Variants in RANBP1 observed in about 807,000 individuals in gnomAD.
The protein encoded by RANBP1 is RAN binding protein 1.
RANBP1 carries 16 observed loss-of-function variants against 31.4 expected under a neutral mutation model. That is an observed-to-expected ratio of 0.51 (90% CI 0.34 to 0.77). The LOEUF (loss-of-function observed/expected upper bound fraction) is 0.77. Among genes scored for constraint, RANBP1 ranks in the 30% least tolerant of loss-of-function variants. The probability of loss-of-function intolerance (pLI) is 0.01; values close to 1 mark genes in which losing one functional copy is unlikely to be tolerated. For missense variants in RANBP1, 265 were observed against 362.0 expected, an observed-to-expected ratio of 0.73 and a Z score of 2.17; for synonymous variants, 129 against 140.5, an observed-to-expected ratio of 0.92 and a Z score of 0.58.
chr22:20,126,082 C>G (rs867208135), intron 4 of RANBP1, among the ~76,000 whole-genome samples: 1 of 152,266 alleles, frequency 6.6e-6, no homozygotes, highest in Non-Finnish European at 1.5e-5. Flanking sequence ...GCCCATGCCC[C>G]TTGGTTGCCT....
At chr22:20,117,117 T>G in intron 1 of RANBP1, 1 of 674,160 alleles carries the variant, frequency 1.5e-6, no homozygotes, top group Non-Finnish European at 2.5e-6. Flanking sequence ...CAGGTCCGGG[T>G]CTCAGGCTTG....
At chr22:20,125,126 G>T in intron 3 of RANBP1, 182 bp from the exon 4 acceptor site, 2 of 643,898 alleles carry the variant, frequency 3.1e-6, no homozygotes, top group Non-Finnish European at 5.4e-6. Context: ...TTTTCAAAGA[G>T]GTTTGAATAA....
chr22:20,127,079 C>T lies in RANBP1; in HGVS notation c.*27C>T, dbSNP rs944069567. 6.4e-7 allele frequency: 1 copy of T among 1,565,706 alleles called. No homozygotes were observed. Among genetic ancestry groups the T allele is most frequent in the Non-Finnish European group, 8.6e-7 (1 of 1,157,898 alleles). ...TCGTCTTATTTTATTTTCTTTTCCT[C>T]TCTTTCCTTTCCTTTTTTTAAAAAA... On this transcript the variant is annotated 3_prime_UTR_variant, in exon 6 of 6. Transcript: ENST00000430524.
At chr22:20,117,264 A>G (rs1053008760) in intron 1 of RANBP1, 38 of 611,816 alleles carry the variant, frequency 6.2e-5, no homozygotes, top group Non-Finnish European at 8.8e-5. Flanking sequence ...CACGCGCCGG[A>G]TCCAACCCCC....
At chr22:20,117,877 G>C in intron 1 of RANBP1, 1 of 1,019,852 alleles carries the variant, frequency 9.8e-7, no homozygotes, top group Non-Finnish European at 1.2e-6. Flanking sequence ...GCTCTGCAGA[G>C]GCCTGGGGGC....
chr22:20,123,858 T>C (rs766759908), intron 3 of RANBP1, among the ~76,000 whole-genome samples: 11 of 152,062 alleles, frequency 7.2e-5, no homozygotes, highest in Non-Finnish European at 1.5e-4. Flanking sequence ...GGGTGTCCCT[T>C]GGTAAGCTTC....
chr22:20,126,237 AC>A, intron 4 of RANBP1, 65 bp from the exon 5 acceptor site: 1 of 1,551,792 alleles, frequency 6.4e-7, no homozygotes, highest in Non-Finnish European at 8.7e-7. Flanking sequence ...GACTCTTCAG[AC>A]CCGGCAGGGC....
At chr22:20,125,151 G>C in intron 3 of RANBP1, 157 bp from the exon 4 acceptor site, 1 of 745,070 alleles carries the variant, frequency 1.3e-6, no homozygotes, top group East Asian at 2.7e-5. Flanking sequence ...CAGGCGCCGT[G>C]GTACTTTGTC....
chr22:20,123,459 T>C (rs1470239957), intron 3 of RANBP1, among the ~76,000 whole-genome samples: 1 of 44,278 alleles, frequency 2.3e-5, no homozygotes, highest in Admixed American at 3.1e-4. Context: ...TCTGGGGGGG[T>C]TTGGTGTCTG....
intron 4 of RANBP1, 118 bp downstream of exon 4, chr22:20,125,554 G>C: frequency 6.5e-7 from 1 of 1,536,812 alleles, no homozygotes; most frequent in Non-Finnish European, 8.7e-7. Context: ...ACTGGGAAGT[G>C]TGTCGTGTGG....
intron 2 of RANBP1, chr22:20,119,380 C>G (rs2050125919): frequency 3.8e-6 from 2 of 528,690 alleles, no homozygotes. Flanking sequence ...TCTTGCTGCT[C>G]TGTCCACTGG....
At chr22:20,117,364 G>A (rs1404697083) in intron 1 of RANBP1, 30 of 1,218,496 alleles carry the variant, frequency 2.5e-5, no homozygotes, top group Non-Finnish European at 3.1e-5. Flanking sequence ...TGGCTGACGG[G>A]CGGGCCGGGC....
At chr22:20,123,617 G>A (rs375384037) in intron 3 of RANBP1, among the ~76,000 whole-genome samples, 1 of 151,942 alleles carries the variant, frequency 6.6e-6, no homozygotes, top group Admixed American at 6.6e-5. Context: ...GGGAGGAAAC[G>A]GGAGGGGAAC....
At chr22:20,125,693 C>T in intron 4 of RANBP1, 1 of 1,344,866 alleles carries the variant, frequency 7.4e-7, no homozygotes, top group Non-Finnish European at 9.6e-7. Context: ...TTGTGGCTGG[C>T]ACTTTGGTTT....
chr22:20,125,850 C>T (rs1482580938), intron 4 of RANBP1, among the ~76,000 whole-genome samples: 1 of 152,248 alleles, frequency 6.6e-6, no homozygotes, highest in Non-Finnish European at 1.5e-5. Context: ...AGGGGCTGGG[C>T]AGAGAGATCC....
In RANBP1 at chr22:20,116,117, G is replaced by A. The variant is rs775866586; in HGVS notation, c.-68G>A. On this transcript the variant is annotated 5_prime_UTR_variant, in exon 1 of 6. Transcript: ENST00000430524. ...TCAGCATAGGGCACTGTCCATAGAG[G>A]GGTCACCACGTCGGCCACTCGTGTT... 1 of 1,612,418 alleles carries A rather than the reference G, an allele frequency of 6.2e-7. No individual in the cohort carries two copies. Among genetic ancestry groups the A allele is most frequent in the Admixed American group, 1.7e-5 (1 of 59,974 alleles).
intron 1 of RANBP1, chr22:20,118,134 C>G: frequency 2.0e-6 from 2 of 1,001,000 alleles, no homozygotes; most frequent in African/African-American, 3.5e-5. Context: ...GGGCACAGGT[C>G]CTAGATGCGC....
At chr22:20,123,495 T>G (rs1298924204) in intron 3 of RANBP1, among the ~76,000 whole-genome samples, 52 of 64,180 alleles carry the variant, frequency 8.1e-4, no homozygotes, top group African/African-American at 1.3e-3. Context: ...GCGGTGGGGG[T>G]GTGTGTGAGA....
At chr22:20,126,837 CGAGG>C in intron 5 of RANBP1, 111 bp from the exon 6 acceptor site, 1 of 1,413,024 alleles carries the variant, frequency 7.1e-7, no homozygotes, top group South Asian at 1.2e-5. Context: ...GAGTCTGTCC[CGAGG>C]GCGGGCAAGC....
Sources: allele counts gnomAD v4.1 joint callset (sites outside exome capture counted in the v4.1 genomes callset), GRCh38; gene constraint gnomAD v4.1.1; transcripts MANE v1.5; gene names NCBI Gene and HGNC (gene_info 2026-07-23, HGNC 2026-07-21).